MGAT4C: variants seen among roughly 807,000 people sequenced by gnomAD.
MGAT4C encodes MGAT4 family member C, also known as alpha-1,3-mannosyl-glycoprotein 4-beta-N-acetylglucosaminyltransferase C.
A neutral mutation model predicts 40.1 loss-of-function variants in MGAT4C; 19 were observed. That is an observed-to-expected ratio of 0.47 (90% CI 0.33 to 0.70). The LOEUF is 0.70. MGAT4C is among the 30% of genes least tolerant of loss of function. MGAT4C has a pLI of 0.02. For synonymous variants in MGAT4C, 181 were observed against 187.1 expected (o/e 0.97, Z 0.27); for missense variants, 491 against 563.2 (o/e 0.87, Z 1.30).
intron 4 of MGAT4C, among the ~76,000 whole-genome samples, chr12:86,281,142 T>G (rs772638582): frequency 9.9e-5 from 15 of 152,134 alleles, no homozygotes; most frequent in Admixed American, 5.9e-4. Context: ...TCTTTTTCAC[T>G]GTGCCCCTCC....
At chr12:86,251,477 G>A (rs1450763694) in intron 1 of MGAT4C, among the ~76,000 whole-genome samples, 2 of 151,990 alleles carry the variant, frequency 1.3e-5, no homozygotes, top group Non-Finnish European at 2.9e-5. Context: ...AAAAAAGAAA[G>A]TGTCTTTAAA....
chr12:86,408,668 G>C (rs1956538243), intron 3 of MGAT4C, among the ~76,000 whole-genome samples: 1 of 150,866 alleles, frequency 6.6e-6, no homozygotes, highest in Non-Finnish European at 1.5e-5. Flanking sequence ...ATAATTTTTG[G>C]TAGGAAGGGA....
intron 1 of MGAT4C, among the ~76,000 whole-genome samples, chr12:86,774,351 C>CT (rs1565981755): frequency 1.9e-4 from 6 of 31,766 alleles, no homozygotes; most frequent in African/African-American, 3.6e-4. Flanking sequence ...GTCTCTCTCT[C>CT]TCCCCTCTCT....
intron 1 of MGAT4C, among the ~76,000 whole-genome samples, chr12:86,807,124 A>G (rs890728997): frequency 9.2e-5 from 14 of 152,068 alleles, no homozygotes; most frequent in African/African-American, 3.4e-4. Context: ...TTTAGTTTTT[A>G]TTTTTATTTT....
intron 1 of MGAT4C, among the ~76,000 whole-genome samples, chr12:86,185,376 A>G (rs1888647450): frequency 6.6e-6 from 1 of 152,150 alleles, no homozygotes; most frequent in South Asian, 2.1e-4. Context: ...GCAATTCCCA[A>G]AGTTTATTGA....
At position 86,829,927 on chromosome 12, in the gene MGAT4C, G is replaced by GT. The variant is rs139657726; in HGVS notation, c.-262+8738dup. On this transcript the variant is annotated intron_variant, in intron 1 of 7. Coordinates refer to the MGAT4C transcript ENST00000548651. The stretch of plus-strand genomic sequence containing the variant: ...AAGGCATGTTTACATACATATCGAT[G>GT]TTTTTTTTACATTTATATAATAAAA... 2.4e-4 allele frequency among the ~76,000 whole-genome samples: 36 copies of GT among 149,470 alleles called. No homozygotes were observed. In the East Asian group the frequency reaches 2.6e-3, roughly 11 times the overall value.
chr12:86,476,621 T>A (rs908410907), intron 2 of MGAT4C, among the ~76,000 whole-genome samples: 15 of 152,064 alleles, frequency 9.9e-5, no homozygotes, highest in Non-Finnish European at 2.9e-5. Context: ...AAAAGACACA[T>A]GTATTTGTAT....
intron 3 of MGAT4C, among the ~76,000 whole-genome samples, chr12:86,352,583 T>G (rs1403072699): frequency 6.6e-6 from 1 of 152,168 alleles, no homozygotes; most frequent in Non-Finnish European, 1.5e-5. Context: ...TTATTCCCTT[T>G]TATGACCACA....
intron 3 of MGAT4C, among the ~76,000 whole-genome samples, chr12:86,363,931 A>G (rs1955535800): frequency 6.6e-6 from 1 of 151,082 alleles, no homozygotes; most frequent in Admixed American, 6.6e-5. Flanking sequence ...TTATTAAGAA[A>G]AAAATTACCA....
At chr12:86,391,008 T>C (rs1036630693) in intron 3 of MGAT4C, among the ~76,000 whole-genome samples, 11 of 152,272 alleles carry the variant, frequency 7.2e-5, no homozygotes, top group Admixed American at 3.9e-4. Flanking sequence ...ACTTAAAGGG[T>C]TACAGAATAT....
At position 86,357,734 on chromosome 12, in the gene MGAT4C, T is replaced by G. The variant is rs191717378; in HGVS notation, c.-119-23607A>C. The stretch of plus-strand genomic sequence containing the variant: ...AAGTGGAAGAAAGGGTATCAGTGAT[T>G]GAAGATCAAATGAATGAAATGAAGC... On this transcript the variant is annotated intron_variant, in intron 3 of 7. Transcript: ENST00000548651. Among the ~76,000 whole-genome samples the G allele has an allele frequency of 4.7e-3, 708 of 152,062 alleles. 5 individuals carry two copies. The highest frequency in any genetic ancestry group is 6.8e-3 in the Non-Finnish European group (460 of 67,988).
chr12:85,988,149 T>C (rs1885461886), intron 3 of MGAT4C, among the ~76,000 whole-genome samples: 2 of 152,180 alleles, frequency 1.3e-5, no homozygotes, highest in Admixed American at 6.5e-5. Flanking sequence ...TAATCTTTGT[T>C]GATTTCAGCC....
rs1384834313 is a variant in MGAT4C at position 86,743,141 on chromosome 12, TG to T, written c.-261-15901del. On this transcript the variant is annotated intron_variant, in intron 1 of 7. Transcript: ENST00000548651. ...ATGTGTGTGTGTGTGTGTGTGTGTG[TG>T]TGTGTATAGAAGTGTCATTTCGGGG... 1.5e-4 allele frequency among the ~76,000 whole-genome samples: 22 copies of T among 151,290 alleles called. No individual in the cohort carries two copies. The East Asian group carries it at 4.3e-3, about 30-fold the overall frequency.
At chr12:86,680,236 T>C (rs1169249494) in intron 2 of MGAT4C, among the ~76,000 whole-genome samples, 1 of 152,060 alleles carries the variant, frequency 6.6e-6, no homozygotes. Context: ...TGAAGATTGC[T>C]AATATACTTT....
At chr12:86,495,667 A>C (rs1179982552) in intron 2 of MGAT4C, among the ~76,000 whole-genome samples, 1 of 152,042 alleles carries the variant, frequency 6.6e-6, no homozygotes, top group Non-Finnish European at 1.5e-5. Flanking sequence ...TCTTGTGGGG[A>C]TGGTGAAACC....
At chr12:86,030,336 C>T (rs56391398) in intron 2 of MGAT4C, among the ~76,000 whole-genome samples, 54,005 of 151,484 alleles carry the variant, frequency 0.36, 10,448 homozygotes, top group Middle Eastern at 0.48. Flanking sequence ...ATTGAAAAGA[C>T]GACAGTATAT....
intron 1 of MGAT4C, among the ~76,000 whole-genome samples, chr12:86,819,447 T>G (rs1379856926): frequency 1.3e-5 from 2 of 150,954 alleles, no homozygotes; most frequent in African/African-American, 4.8e-5. Context: ...TAATTTATTC[T>G]TTCTCTAGAA....
In MGAT4C at chr12:85,967,147, T is replaced by A. The variant is rs987550512; in HGVS notation, c.*12142A>T. On this transcript the variant is annotated 3_prime_UTR_variant, in exon 5 of 5. Coordinates refer to ENST00000611864, the MANE Select transcript of MGAT4C (RefSeq NM_001351288.2). ...CCTGAAGATATAACATTGATTTGTC[T>A]TTTTCTTATTTGATATCAGCTAGCA... 4.6e-5 allele frequency: 7 copies of A among 152,200 alleles called. No homozygotes were observed. Among genetic ancestry groups the A allele is most frequent in the African/African-American group, 1.7e-4 (7 of 41,454 alleles). The allele number at this position is 152,200 out of a possible 1,614,324, so 9.4% of individuals were successfully genotyped here.
intron 1 of MGAT4C, among the ~76,000 whole-genome samples, chr12:86,746,420 G>A (rs1951153868): frequency 1.3e-5 from 2 of 151,444 alleles, no homozygotes; most frequent in East Asian, 2.0e-4. Context: ...TTAAGGGTGG[G>A]AAAATTACCC....
Sources: gnomAD v4.1 joint callset for allele counts (sites outside exome capture counted in the v4.1 genomes callset) on GRCh38, gnomAD v4.1.1 for gene constraint, MANE v1.5 for transcripts, NCBI Gene and HGNC (gene_info 2026-07-23, HGNC 2026-07-21) for gene names.